TBC1D22A: variants seen among roughly 807,000 people sequenced by gnomAD.
The protein encoded by TBC1D22A is putative GTPase activator.
Under a neutral mutation model 60.2 loss-of-function variants are expected in TBC1D22A, and 38 were observed. The observed-to-expected ratio is 0.63, with a 90% CI of 0.49 to 0.83. The LOEUF (loss-of-function observed/expected upper bound fraction) is 0.83. TBC1D22A is among the 40% of genes least tolerant of loss of function. TBC1D22A has a pLI of 0.00. For missense variants in TBC1D22A, 628 were observed against 701.0 expected (o/e 0.90, Z 1.18); for synonymous variants, 302 against 281.7 (o/e 1.07, Z -0.72).
intron 4 of TBC1D22A, among the ~76,000 whole-genome samples, chr22:46,830,496 T>C (rs2086264006): frequency 6.6e-6 from 1 of 152,190 alleles, no homozygotes; most frequent in African/African-American, 2.4e-5. Flanking sequence ...GGCTGGAAAG[T>C]GCAGTCTGTC....
intron 12 of TBC1D22A, among the ~76,000 whole-genome samples, chr22:47,140,990 A>C (rs954397843): frequency 2.0e-5 from 3 of 152,234 alleles, no homozygotes; most frequent in African/African-American, 7.2e-5. Flanking sequence ...TACTGCTTTA[A>C]AGAAATACCC....
chr22:46,924,636 T>TTG (rs1284506676), intron 8 of TBC1D22A, among the ~76,000 whole-genome samples: 3 of 152,008 alleles, frequency 2.0e-5, no homozygotes, highest in Non-Finnish European at 4.4e-5. Context: ...TCCCAGCTAC[T>TTG]TGGGAGGCTG....
At chr22:47,064,126 G>A (rs1466214146) in intron 11 of TBC1D22A, among the ~76,000 whole-genome samples, 1 of 152,242 alleles carries the variant, frequency 6.6e-6, no homozygotes, top group Non-Finnish European at 1.5e-5. Flanking sequence ...TGAGGGACAC[G>A]GATCCACTCG....
At chr22:46,791,144 A>G (rs1009637276) in intron 1 of TBC1D22A, among the ~76,000 whole-genome samples, 4 of 151,980 alleles carry the variant, frequency 2.6e-5, no homozygotes, top group Admixed American at 6.6e-5. Context: ...TCAGCCTCCC[A>G]AGTAGCTGGG....
At chr22:46,818,457 T>C (rs1008558851) in intron 4 of TBC1D22A, among the ~76,000 whole-genome samples, 1 of 152,246 alleles carries the variant, frequency 6.6e-6, no homozygotes, top group Non-Finnish European at 1.5e-5. Flanking sequence ...AGTTGTAGTT[T>C]TGTGCATATG....
chr22:47,046,725 C>T (rs1603155839), intron 11 of TBC1D22A, among the ~76,000 whole-genome samples: 1 of 152,208 alleles, frequency 6.6e-6, no homozygotes, highest in African/African-American at 2.4e-5. Flanking sequence ...CTCCTCCCCG[C>T]ACTTGTCCAG....
At chr22:46,775,791 G>A (rs1398727660) in intron 1 of TBC1D22A, among the ~76,000 whole-genome samples, 7 of 152,170 alleles carry the variant, frequency 4.6e-5, no homozygotes, top group Admixed American at 1.3e-4. Context: ...CTTTTAAGAG[G>A]GTGTCACCTA....
intron 11 of TBC1D22A, among the ~76,000 whole-genome samples, chr22:47,093,218 C>A (rs551736068): frequency 3.3e-5 from 5 of 152,190 alleles, no homozygotes; most frequent in Admixed American, 3.3e-4. Context: ...GTGAAGTGAG[C>A]CGCCTCCCTG....
rs553542856 is a variant in TBC1D22A at position 46,789,839 on chromosome 22, G to T, written c.63-2681G>T. On this transcript the variant is annotated intron_variant, in intron 1 of 12. Coordinates refer to ENST00000337137, the MANE Select transcript of TBC1D22A (RefSeq NM_014346.5). Reference sequence around the variant, plus strand: ...AGCAAAATAAAATAAATTCTAGGTGGATTGAAAACTTAAGGGTAGGAACGA... The same window carrying T: ...AGCAAAATAAAATAAATTCTAGGTGTATTGAAAACTTAAGGGTAGGAACGA... 2.6e-5 allele frequency among the ~76,000 whole-genome samples: 4 copies of T among 152,222 alleles called. No homozygotes were observed. In the South Asian group the frequency reaches 8.3e-4, roughly 32 times the overall value.
chr22:46,922,599 G>C (rs2070819985), intron 8 of TBC1D22A, among the ~76,000 whole-genome samples: 4 of 152,040 alleles, frequency 2.6e-5, no homozygotes, highest in Admixed American at 2.6e-4. Flanking sequence ...ATTCATCTCT[G>C]ATTTTTTTGA....
At chr22:47,049,567 A>G (rs954870100) in intron 11 of TBC1D22A, among the ~76,000 whole-genome samples, 2 of 152,138 alleles carry the variant, frequency 1.3e-5, no homozygotes, top group Non-Finnish European at 2.9e-5. Context: ...AATATATCCA[A>G]CCCAACATAA....
At chr22:46,834,829 C>T (rs2086450221) in intron 4 of TBC1D22A, among the ~76,000 whole-genome samples, 1 of 152,200 alleles carries the variant, frequency 6.6e-6, no homozygotes, top group Non-Finnish European at 1.5e-5. Flanking sequence ...TCCTTGGCAG[C>T]TGGCACAACT....
chr22:47,036,132 A>T (rs2062649708), intron 10 of TBC1D22A, among the ~76,000 whole-genome samples: 1 of 152,180 alleles, frequency 6.6e-6, no homozygotes, highest in Non-Finnish European at 1.5e-5. Context: ...TAAGGAAGTG[A>T]GCTGCAGAAA....
rs976495314 is a variant in TBC1D22A at position 47,042,722 on chromosome 22, A to G, written c.1329+5524A>G. Among the ~76,000 whole-genome samples the G allele has an allele frequency of 3.3e-5, 5 of 152,242 alleles. No individual in the cohort carries two copies. In the South Asian group the frequency reaches 6.2e-4, roughly 19 times the overall value. On this transcript the variant is annotated intron_variant, in intron 11 of 12. Transcript: ENST00000337137. ...TCTGTCCACTGCTGAGAGGGGCCAC[A>G]CAGACCCCTGCGGGCCTTGAGGCAC...
rs115809728 is a variant in TBC1D22A, at chr22:47,051,708, C to T, written c.1329+14510C>T. Among the ~76,000 whole-genome samples the T allele has an allele frequency of 2.1e-3, 315 of 152,268 alleles. 5 individuals carry two copies. Among genetic ancestry groups the T allele is most frequent in the African/African-American group, 7.1e-3 (294 of 41,554 alleles). ...GCCGCTTGCCTGGGGTGGGGGCAGC[C>T]GGCACCTCCCTGCAGCCCCAGGACT... On this transcript the variant is annotated intron_variant, in intron 11 of 12. Coordinates refer to ENST00000337137, the MANE Select transcript of TBC1D22A (RefSeq NM_014346.5).
At chr22:46,794,089 G>A (rs1025315617) in intron 3 of TBC1D22A, among the ~76,000 whole-genome samples, 2 of 152,218 alleles carry the variant, frequency 1.3e-5, no homozygotes, top group Non-Finnish European at 2.9e-5. Flanking sequence ...GGAGGCTTCT[G>A]GCCTAGCTAC....
Position 47,009,278 on chromosome 22 carries a change from G to A in TBC1D22A, c.1201+11569G>A, listed in dbSNP as rs917035849. 6.6e-6 allele frequency among the ~76,000 whole-genome samples: 1 copy of A among 151,476 alleles called. No homozygotes were observed. Among genetic ancestry groups the A allele is most frequent in the African/African-American group, 2.4e-5 (1 of 41,142 alleles). ...CATCATCATCACCATCATCATGATT[G>A]TCATCACCAGCATCATAAACACCAT... On this transcript the variant is annotated intron_variant, in intron 10 of 12. Coordinates refer to ENST00000337137, the MANE Select transcript of TBC1D22A (RefSeq NM_014346.5). This position sits in a 1 kb window ranked among gnomAD's most constrained non-coding sequence, Gnocchi z 5.8.
chr22:46,796,429 G>T (rs921494549), intron 3 of TBC1D22A, among the ~76,000 whole-genome samples: 1 of 152,156 alleles, frequency 6.6e-6, no homozygotes, highest in Admixed American at 6.5e-5. Context: ...AGTGGATGTC[G>T]GCCCGTCAGC....
At chr22:47,151,208 A>T (rs552085433) in intron 12 of TBC1D22A, among the ~76,000 whole-genome samples, 1 of 152,100 alleles carries the variant, frequency 6.6e-6, no homozygotes, top group Non-Finnish European at 1.5e-5. Flanking sequence ...ATCTGAACAC[A>T]CTTTTAAACG....
Sources: gnomAD v4.1 joint callset for allele counts (sites outside exome capture counted in the v4.1 genomes callset) on GRCh38, gnomAD v4.1.1 for gene constraint, Gnocchi (gnomAD v3.1) non-coding constraint, MANE v1.5 for transcripts, NCBI Gene and HGNC (gene_info 2026-07-23, HGNC 2026-07-21) for gene names.